ARFGAP3: variants seen among roughly 807,000 people sequenced by gnomAD.
The protein encoded by ARFGAP3 is ADP-ribosylation factor GTPase-activating protein 3.
ARFGAP3 carries 72 observed loss-of-function variants against 75.0 expected under a neutral mutation model. The observed-to-expected ratio is 0.96, with a 90% CI of 0.79 to 1.17. ARFGAP3 has a LOEUF of 1.17. Among genes scored for constraint, ARFGAP3 ranks in the 50% most tolerant of loss-of-function variants. ARFGAP3 has a pLI of 0.00. For synonymous variants in ARFGAP3, 221 were observed against 217.9 expected (o/e 1.01, Z -0.13); for missense variants, 620 against 626.6 (o/e 0.99, Z 0.11).
Position 42,797,258 on chromosome 22 carries a change from T to C in ARFGAP3, c.*330A>G, listed in dbSNP as rs1924643599. On this transcript the variant is annotated 3_prime_UTR_variant, in exon 16 of 16. Coordinates refer to ENST00000263245, the MANE Select transcript of ARFGAP3 (RefSeq NM_014570.5). ...TGGAGACCTCTCCTCCTCCCCCACATGAAGCCTCCTGGTTCAGGAGCAGGA... is the reference window on the plus strand; with the variant it reads ...TGGAGACCTCTCCTCCTCCCCCACACGAAGCCTCCTGGTTCAGGAGCAGGA... 6.3e-6 allele frequency: 2 copies of C among 316,712 alleles called. No homozygotes were observed. Among genetic ancestry groups the C allele is most frequent in the Non-Finnish European group, 1.2e-5 (2 of 170,850 alleles). The allele number at this position is 316,712 out of a possible 1,614,324, so 19.6% of individuals were successfully genotyped here.
At chr22:42,854,760 T>C (rs1927425912) in intron 1 of ARFGAP3, among the ~76,000 whole-genome samples, 1 of 152,242 alleles carries the variant, frequency 6.6e-6, no homozygotes, top group Non-Finnish European at 1.5e-5. Flanking sequence ...TTTCTTTGAT[T>C]ACCTTTCCTG....
chr22:42,855,644 C>G (rs1927462208), intron 1 of ARFGAP3, among the ~76,000 whole-genome samples: 1 of 151,580 alleles, frequency 6.6e-6, no homozygotes, highest in Non-Finnish European at 1.5e-5. Context: ...GATCGCACCA[C>G]TGCACTCCAG....
At chr22:42,803,456 C>T (rs973917667) in intron 14 of ARFGAP3, among the ~76,000 whole-genome samples, 4 of 152,210 alleles carry the variant, frequency 2.6e-5, no homozygotes, top group Admixed American at 1.3e-4. Context: ...CCCATGCAGA[C>T]GTGCTCTCAT....
At chr22:42,842,511 G>A (rs142859831) in intron 2 of ARFGAP3, among the ~76,000 whole-genome samples, 7 of 151,384 alleles carry the variant, frequency 4.6e-5, no homozygotes, top group African/African-American at 1.5e-4. Flanking sequence ...GCAGTGAGGC[G>A]ATCTCAGCTC....
chr22:42,850,342 CAGGT>C (rs941965556), intron 1 of ARFGAP3, among the ~76,000 whole-genome samples: 26 of 152,066 alleles, frequency 1.7e-4, no homozygotes, highest in African/African-American at 5.8e-4. Context: ...GAGGCCAAGG[CAGGT>C]AGATCGCTTG....
chr22:42,857,249 G>C lies in ARFGAP3; in HGVS notation c.-67C>G. 3 of 1,481,982 alleles carry C rather than the reference G, an allele frequency of 2.0e-6. No homozygotes were observed. The highest frequency in any genetic ancestry group is 2.7e-6 in the Non-Finnish European group (3 of 1,110,866). The allele number at this position is 1,481,982 out of a possible 1,614,324, so 91.8% of individuals were successfully genotyped here. On this transcript the variant is annotated 5_prime_UTR_variant, in exon 1 of 16. Transcript: ENST00000263245. ...TAAGAGTCGACGAAAAGCGGCTACC[G>C]CCTCAGCAGGAGCGACGAGGCCGCG...
At position 42,850,253 on chromosome 22, in the gene ARFGAP3, C is replaced by T. The variant is rs563070797; in HGVS notation, c.70-2621G>A. On this transcript the variant is annotated intron_variant, in intron 1 of 15. Transcript: ENST00000263245. ...TTCCTCTAATAGAGGTGTTTTTAATCTTTTTGCAGGAAAAAAAAATACATA... is the reference window on the plus strand; with the variant it reads ...TTCCTCTAATAGAGGTGTTTTTAATTTTTTTGCAGGAAAAAAAAATACATA... 2.6e-5 allele frequency among the ~76,000 whole-genome samples: 4 copies of T among 151,532 alleles called. No individual in the cohort carries two copies. In the South Asian group the frequency reaches 8.4e-4, roughly 32 times the overall value.
At chr22:42,820,494 C>T (rs1602105293) in intron 9 of ARFGAP3, among the ~76,000 whole-genome samples, 1 of 152,192 alleles carries the variant, frequency 6.6e-6, no homozygotes, top group African/African-American at 2.4e-5. Flanking sequence ...AAAGTAGTTG[C>T]ATTTACTGAG....
chr22:42,823,320 G>C (rs1372391553), intron 8 of ARFGAP3, among the ~76,000 whole-genome samples: 1 of 151,996 alleles, frequency 6.6e-6, no homozygotes, highest in Non-Finnish European at 1.5e-5. Context: ...CGCTGTATCT[G>C]AAAACTCACC....
rs753661658 is a variant in ARFGAP3 at position 42,797,542 on chromosome 22, A to AT, written c.*45dup. On this transcript the variant is annotated 3_prime_UTR_variant, in exon 16 of 16. Transcript: ENST00000263245. ...CCGCCTGAGATGTGGTTACTTGTTC[A>AT]TTTAAAGAGGAATTTCTCCAGGAAA... 2 of 1,613,656 alleles carry AT rather than the reference A, an allele frequency of 1.2e-6. No individual in the cohort carries two copies. Among genetic ancestry groups the AT allele is most frequent in the African/African-American group, 2.7e-5 (2 of 74,932 alleles).
chr22:42,820,893 C>T (rs1405705000), intron 9 of ARFGAP3, among the ~76,000 whole-genome samples: 1 of 152,198 alleles, frequency 6.6e-6, no homozygotes, highest in Non-Finnish European at 1.5e-5. Flanking sequence ...GTCTCCTCCC[C>T]TCTTCCTGGC....
At chr22:42,840,571 C>T (rs1926736127) in intron 3 of ARFGAP3, among the ~76,000 whole-genome samples, 2 of 152,162 alleles carry the variant, frequency 1.3e-5, no homozygotes, top group East Asian at 1.9e-4. Flanking sequence ...TGTGCACCAC[C>T]ATACCCAGCT....
rs772253547 is a variant in ARFGAP3 at position 42,799,027 on chromosome 22, C to A, written c.1533+12G>T. The A allele has an allele frequency of 6.2e-7, 1 of 1,612,576 alleles. No homozygotes were observed. The highest frequency in any genetic ancestry group is 1.7e-5 in the Admixed American group (1 of 60,018). On this transcript the variant is annotated intron_variant, in intron 15 of 15. Coordinates refer to ENST00000263245, the MANE Select transcript of ARFGAP3 (RefSeq NM_014570.5). The stretch of plus-strand genomic sequence containing the variant: ...CCGTCATAGCCAGTGAGCACTGCCC[C>A]ATTCCACTGACCTGAATTGAAGTCA...
At chr22:42,826,850 T>G in intron 7 of ARFGAP3, 90 bp downstream of exon 7, 105 of 1,049,822 alleles carry the variant, frequency 1.0e-4, no homozygotes, top group Non-Finnish European at 1.3e-4. Context: ...CTCCGTCAGG[T>G]GAGATGCCCA....
chr22:42,802,745 G>A (rs1924932711), intron 14 of ARFGAP3, among the ~76,000 whole-genome samples: 1 of 151,026 alleles, frequency 6.6e-6, no homozygotes, highest in African/African-American at 2.4e-5. Flanking sequence ...GGGACTACAG[G>A]CGCCCACCAC....
chr22:42,797,014 T>C lies in ARFGAP3; in HGVS notation c.*574A>G, dbSNP rs1924630822. On this transcript the variant is annotated 3_prime_UTR_variant, in exon 16 of 16. Transcript: ENST00000263245. Reference sequence around the variant, plus strand: ...TTAAAAGCACTCACTGAAAAACATTTTTAAATTTATAGGTCATATAAAATA... The same window carrying C: ...TTAAAAGCACTCACTGAAAAACATTCTTAAATTTATAGGTCATATAAAATA... The C allele has an allele frequency of 6.6e-6, 1 of 152,318 alleles. No individual in the cohort carries two copies. The highest frequency in any genetic ancestry group is 2.4e-5 in the African/African-American group (1 of 41,466). The allele number at this position is 152,318 out of a possible 1,614,324, so 9.4% of individuals were successfully genotyped here.
chr22:42,849,260 G>A (rs1927160517), intron 1 of ARFGAP3, among the ~76,000 whole-genome samples: 1 of 152,182 alleles, frequency 6.6e-6, no homozygotes, highest in African/African-American at 2.4e-5. Context: ...CAAGTTGGGG[G>A]TGATCTGATA....
At chr22:42,827,368 GT>G (rs58450607) in intron 6 of ARFGAP3, among the ~76,000 whole-genome samples, 4 of 150,586 alleles carry the variant, frequency 2.7e-5, no homozygotes, top group South Asian at 4.2e-4. Context: ...GTTTTGTTTT[GT>G]TTTTTTTTCT....
intron 8 of ARFGAP3, among the ~76,000 whole-genome samples, chr22:42,823,168 G>A (rs1925887446): frequency 1.3e-5 from 2 of 151,920 alleles, no homozygotes; most frequent in African/African-American, 4.8e-5. Context: ...ATCCATGGAT[G>A]CAGAACCCCT....
Sources: gnomAD v4.1 joint callset for allele counts (sites outside exome capture counted in the v4.1 genomes callset) on GRCh38, gnomAD v4.1.1 for gene constraint, MANE v1.5 for transcripts, NCBI Gene and HGNC (gene_info 2026-07-23, HGNC 2026-07-21) for gene names.